Variants in ZFR observed in about 807,000 individuals in gnomAD.
ZFR encodes the protein zinc finger RNA binding protein.
ZFR carries 19 observed loss-of-function variants against 130.7 expected under a neutral mutation model. The observed-to-expected ratio is 0.15, with a 90% CI of 0.10 to 0.21. ZFR has a LOEUF of 0.21. Among genes scored for constraint, ZFR ranks in the 10% least tolerant of loss-of-function variants. The pLI is 1.00. For synonymous variants in ZFR, 466 were observed against 456.9 expected, an observed-to-expected ratio of 1.02 and a Z score of -0.25; for missense variants, 872 against 1,321.5, an observed-to-expected ratio of 0.66 and a Z score of 5.27.
chr5:32,366,763 A>G (rs1356900128), intron 17 of ZFR, among the ~76,000 whole-genome samples: 2 of 152,220 alleles, frequency 1.3e-5, no homozygotes, highest in African/African-American at 4.8e-5. Context: ...CTTGGAGGCT[A>G]TAATTATATA....
chr5:32,424,262 G>C (rs1460325209), intron 2 of ZFR, among the ~76,000 whole-genome samples: 3 of 152,198 alleles, frequency 2.0e-5, no homozygotes, highest in Admixed American at 2.0e-4. Flanking sequence ...AAAAAAGGTA[G>C]GCTGGGCGTG....
intron 15 of ZFR, among the ~76,000 whole-genome samples, chr5:32,381,288 C>T (rs1752930337): frequency 6.6e-6 from 1 of 152,064 alleles, no homozygotes; most frequent in East Asian, 1.9e-4. Flanking sequence ...AGACAAAGGG[C>T]TATCTTTATA....
rs1348730018 is a variant in ZFR at position 32,388,524 on chromosome 5, G to T, written c.2293C>A (p.His765Asn). ...LKLVSDSLSEHEKNKNKEGDD... is the reference protein window; with the variant it reads ...LKLVSDSLSENEKNKNKEGDD... Reference sequence around the variant, plus strand: ...CCCTCTTTGTTCTTGTTCTTCTCATGTTCAGACAAACTGTCTGAAACGAGT... The same window carrying T: ...CCCTCTTTGTTCTTGTTCTTCTCATTTTCAGACAAACTGTCTGAAACGAGT... The change falls in exon 13 of 20, where the codon CAT becomes AAT. Residue 765 changes from histidine to asparagine, a missense_variant. His to Asn is a moderately conservative substitution (Grantham distance 68). Transcript: ENST00000265069. 5 of 1,613,886 alleles carry T rather than the reference G, an allele frequency of 3.1e-6. No individual in the cohort carries two copies. The African/African-American group carries it at 5.3e-5, about 17-fold the overall frequency.
At chr5:32,381,382 T>C (rs1752934052) in intron 15 of ZFR, among the ~76,000 whole-genome samples, 1 of 152,214 alleles carries the variant, frequency 6.6e-6, no homozygotes, top group Non-Finnish European at 1.5e-5. Context: ...ATTATTCCAA[T>C]CTAATTCACA....
intron 12 of ZFR, 76 bp downstream of exon 12, chr5:32,390,199 C>T (rs1335883396): frequency 2.0e-6 from 3 of 1,506,284 alleles, no homozygotes; most frequent in East Asian, 2.3e-5. Context: ...TAAACATTAG[C>T]CCCTCCAAAA....
chr5:32,361,894 G>A (rs527410167), intron 19 of ZFR, among the ~76,000 whole-genome samples: 1 of 152,196 alleles, frequency 6.6e-6, no homozygotes, highest in African/African-American at 2.4e-5. Flanking sequence ...GATTACAGGT[G>A]GAAGCCACTG....
intron 2 of ZFR, among the ~76,000 whole-genome samples, chr5:32,425,823 G>A (rs1581712531): frequency 6.6e-6 from 1 of 152,216 alleles, no homozygotes; most frequent in Non-Finnish European, 1.5e-5. Context: ...ACCGTGCCCA[G>A]CCTAATTCTA....
chr5:32,372,025 T>G (rs1051295358), intron 17 of ZFR, among the ~76,000 whole-genome samples: 4 of 152,186 alleles, frequency 2.6e-5, no homozygotes, highest in African/African-American at 9.6e-5. Flanking sequence ...AGTCCATTCT[T>G]GGATTGAAAC....
chr5:32,429,435 C>T (rs1754153828), intron 2 of ZFR, among the ~76,000 whole-genome samples: 1 of 151,966 alleles, frequency 6.6e-6, no homozygotes, highest in Admixed American at 6.6e-5. Context: ...AAAAATTAGC[C>T]AGGTGTGGGT....
chr5:32,430,200 ATACAAAATGT>A (rs1196780395), intron 2 of ZFR, among the ~76,000 whole-genome samples: 4 of 152,110 alleles, frequency 2.6e-5, no homozygotes, highest in Non-Finnish European at 5.9e-5. Context: ...GAATTATTGG[ATACAAAATGT>A]TTAAGCACAC....
intron 5 of ZFR, among the ~76,000 whole-genome samples, chr5:32,412,594 TTAGA>T (rs1195738494): frequency 2.0e-5 from 3 of 152,242 alleles, no homozygotes; most frequent in African/African-American, 4.8e-5. Flanking sequence ...AATTTATGTA[TTAGA>T]TAGTATAGTA....
chr5:32,436,625 C>G (rs974527608), intron 2 of ZFR, among the ~76,000 whole-genome samples: 1 of 152,108 alleles, frequency 6.6e-6, no homozygotes, highest in African/African-American at 2.4e-5. Flanking sequence ...CTGAACACTT[C>G]ACAAATAATG....
intron 8 of ZFR, among the ~76,000 whole-genome samples, chr5:32,400,935 A>G (rs1382090540): frequency 6.6e-6 from 1 of 152,236 alleles, no homozygotes; most frequent in Non-Finnish European, 1.5e-5. Flanking sequence ...CTCTCTGCAA[A>G]CTTAGTCCAA....
chr5:32,430,535 T>C (rs907301527), intron 2 of ZFR, among the ~76,000 whole-genome samples: 4 of 151,810 alleles, frequency 2.6e-5, no homozygotes, highest in Non-Finnish European at 2.9e-5. Context: ...TAGGAAAGAA[T>C]ATAGAAAAAA....
chr5:32,375,826 C>T (rs1222977286), intron 17 of ZFR, among the ~76,000 whole-genome samples: 3 of 149,922 alleles, frequency 2.0e-5, no homozygotes, highest in African/African-American at 4.9e-5. Context: ...TTTCATCTAT[C>T]GATTTATAGT....
intron 17 of ZFR, among the ~76,000 whole-genome samples, chr5:32,370,821 T>C (rs892359042): frequency 6.6e-6 from 1 of 152,204 alleles, no homozygotes; most frequent in South Asian, 2.1e-4. Context: ...TCACCATGGA[T>C]TCATGACAGA....
chr5:32,430,689 G>A (rs1754189545), intron 2 of ZFR, among the ~76,000 whole-genome samples: 1 of 152,128 alleles, frequency 6.6e-6, no homozygotes, highest in South Asian at 2.1e-4. Context: ...ACTCTTATGA[G>A]CAGCCAGAGG....
chr5:32,403,176 G>C lies in ZFR; in HGVS notation c.1446C>G (p.Asn482Lys), dbSNP rs1225077208. 3.1e-6 allele frequency: 5 copies of C among 1,614,090 alleles called. No homozygotes were observed. Among genetic ancestry groups the C allele is most frequent in the Non-Finnish European group, 4.2e-6 (5 of 1,180,042 alleles). The change falls in exon 8 of 20, where the codon AAC (asparagine) becomes AAG (lysine). Residue 482 changes from asparagine (N) to lysine (K), a missense_variant. Coordinates refer to ENST00000265069, the MANE Select transcript of ZFR (RefSeq NM_016107.5). ...TGNSSLNSTS[N>K]TKVSAVPTNM... ...TTGTAGGCACTGCTGATACTTTAGTGTTAGATGTGCTATTAAGAGACGAGT... is the reference window on the plus strand; with the variant it reads ...TTGTAGGCACTGCTGATACTTTAGTCTTAGATGTGCTATTAAGAGACGAGT...
At chr5:32,388,709 A>C in intron 12 of ZFR, 35 bp from the exon 13 acceptor site, 9 of 1,550,254 alleles carry the variant, frequency 5.8e-6, no homozygotes, top group Non-Finnish European at 7.9e-6. Flanking sequence ...TTTAAAAAAA[A>C]GTTTCCTGAG....
Sources: gnomAD v4.1 joint callset for allele counts (sites outside exome capture counted in the v4.1 genomes callset) on GRCh38, gnomAD v4.1.1 for gene constraint, MANE v1.5 for transcripts, NCBI Gene and HGNC (gene_info 2026-07-23, HGNC 2026-07-21) for gene names.